The following C9orf78 variants were observed in gnomAD, a reference collection of about 807,000 sequenced individuals.
The protein encoded by C9orf78 is chromosome 9 open reading frame 78.
Under a neutral mutation model 37.4 loss-of-function variants are expected in C9orf78, and 19 were observed. The ratio of observed to expected loss-of-function variants is 0.51; its 90% confidence interval spans 0.35 to 0.74. The LOEUF is 0.74. C9orf78 is among the 30% of genes least tolerant of loss of function. C9orf78 has a pLI of 0.01. For synonymous variants in C9orf78, 130 were observed against 128.0 expected, an observed-to-expected ratio of 1.02 and a Z score of -0.10; for missense variants, 291 against 370.8, an observed-to-expected ratio of 0.78 and a Z score of 1.77.
chr9:129,830,839 C>T, intron 6 of C9orf78, 32 bp downstream of exon 6: 2 of 1,484,842 alleles, frequency 1.3e-6, no homozygotes, highest in Non-Finnish European at 1.9e-6. Context: ...CTGGAAAGCA[C>T]TGTGTCTTCT....
At chr9:129,833,611 T>C in intron 3 of C9orf78, 47 bp downstream of exon 3, 1 of 1,493,846 alleles carries the variant, frequency 6.7e-7, no homozygotes, top group Non-Finnish European at 9.3e-7. Flanking sequence ...TGAAGAGCAC[T>C]GCAGGGAGGG....
intron 4 of C9orf78, among the ~76,000 whole-genome samples, chr9:129,832,228 T>C (rs2031518610): frequency 6.6e-6 from 1 of 152,188 alleles, no homozygotes; most frequent in African/African-American, 2.4e-5. Context: ...GGATTGGTTC[T>C]AGTGTCCCTC....
At position 129,831,017 on chromosome 9, in the gene C9orf78, A is replaced by G. The variant is rs2031481021; in HGVS notation, c.396T>C (p.His132=). 1.2e-6 allele frequency: 2 copies of G among 1,613,624 alleles called. No individual in the cohort carries two copies. The highest frequency in any genetic ancestry group is 4.5e-5 in the East Asian group (2 of 44,892). The part of the protein sequence containing the change: ...ELKKRKGIVE[H]EEQKVKPKNA... ...TCTTTGGCTTAACTTTCTGTTCCTC[A>G]TGTTCCACGATCCCTTTCCTCTTCT... Residue 132 remains histidine (H), a synonymous_variant, in exon 6 of 9, where the codon CAT becomes CAC. Transcript: ENST00000372447.
Position 129,831,988 on chromosome 9 carries a change from C to T in C9orf78, c.267-15G>A, listed in dbSNP as rs192851169. On this transcript the variant is annotated splice_polypyrimidine_tract_variant and intron_variant, in intron 4 of 8. Coordinates refer to ENST00000372447, the MANE Select transcript of C9orf78 (RefSeq NM_016520.3). ...CCTCACTGATCCTGGAGGGAGAGAA[C>T]AATGAGGCAGAGCTTTCAAGTCACA... The T allele has an allele frequency of 2.2e-6, 3 of 1,334,458 alleles. No individual in the cohort carries two copies. Among genetic ancestry groups the T allele is most frequent in the Admixed American group, 1.7e-5 (1 of 59,572 alleles). 82.7% of individuals were successfully genotyped at this position (1,334,458 alleles called of 1,614,324 possible).
At chr9:129,833,315 C>T (rs2031558845) in intron 4 of C9orf78, 132 bp downstream of exon 4, 1 of 656,266 alleles carries the variant, frequency 1.5e-6, no homozygotes, top group African/African-American at 1.8e-5. Context: ...AATAACACAC[C>T]CTTTGCAAAG....
intron 4 of C9orf78, among the ~76,000 whole-genome samples, chr9:129,832,976 TGC>T (rs1205505397): frequency 1.3e-5 from 2 of 149,534 alleles, no homozygotes; most frequent in Non-Finnish European, 3.0e-5. Flanking sequence ...CATATATATA[TGC>T]GTGTGTGTAT....
rs1419523184 is a variant in C9orf78 at position 129,835,224 on chromosome 9, T to G, written c.-3A>C. The G allele has an allele frequency of 6.2e-7, 1 of 1,606,254 alleles. No individual in the cohort carries two copies. The highest frequency in any genetic ancestry group is 2.3e-5 in the East Asian group (1 of 44,364). On this transcript the variant is annotated 5_prime_UTR_variant, in exon 1 of 9. Coordinates refer to ENST00000372447, the MANE Select transcript of C9orf78 (RefSeq NM_016520.3). Reference sequence around the variant, plus strand: ...AAAATCTTCCGGACGACCGGCATGGTGACAACGGCCGAGTTGTACAGCCGC... The same window carrying G: ...AAAATCTTCCGGACGACCGGCATGGGGACAACGGCCGAGTTGTACAGCCGC...
At position 129,833,455 on chromosome 9, in the gene C9orf78, GC is replaced by G; in HGVS notation, c.257del (p.Gly86AlafsTer30). ...GCTTGTCCTGAACTTACTTATCTTT[GC>G]CCCTTTCCTTCAGTTTCTTCATATC... ...MVDMKKLKER[G>X]KDKISEEEDL... On this transcript the variant is annotated frameshift_variant, in exon 4 of 9. Transcript: ENST00000372447. LOFTEE classifies it high-confidence loss of function. The G allele has an allele frequency of 1.9e-6, 3 of 1,587,716 alleles. No individual in the cohort carries two copies. Among genetic ancestry groups the G allele is most frequent in the Non-Finnish European group, 2.6e-6 (3 of 1,156,002 alleles).
chr9:129,834,923 C>T, intron 1 of C9orf78, 157 bp from the exon 2 acceptor site: 1 of 688,704 alleles, frequency 1.5e-6, no homozygotes, highest in Non-Finnish European at 2.5e-6. Flanking sequence ...CTAGACCCAC[C>T]GGGAGTCAGA....
At chr9:129,830,521 TCC>T in intron 6 of C9orf78, 1 of 272,224 alleles carries the variant, frequency 3.7e-6, no homozygotes, top group Non-Finnish European at 7.2e-6. Context: ...AATTTTTTTT[TCC>T]TTTTTTTTTG....
chr9:129,833,569 A>C (rs768233486), intron 3 of C9orf78, 52 bp from the exon 4 acceptor site: 1 of 1,491,332 alleles, frequency 6.7e-7, no homozygotes, highest in Non-Finnish European at 9.4e-7. Flanking sequence ...ATGGTAGTGG[A>C]ATTTTTTTTT....
rs758961185 is a variant in C9orf78 at position 129,828,251 on chromosome 9, C to A, written c.780G>T (p.Arg260=). Residue 260 remains arginine (R), a splice_region_variant and synonymous_variant, in exon 9 of 9, where the codon CGG becomes CGT. Transcript: ENST00000372447. ...VGDTEKPEPE[R]SPPNRKRPAN... The stretch of plus-strand genomic sequence containing the variant: ...CAGGACGCTTGCGGTTAGGAGGGGA[C>A]CCTGAGAAGGAAAAGAACAGGAAAG... 2 of 1,582,694 alleles carry A rather than the reference C, an allele frequency of 1.3e-6. No individual in the cohort carries two copies. Among genetic ancestry groups the A allele is most frequent in the South Asian group, 2.2e-5 (2 of 90,502 alleles).
At position 129,828,021 on chromosome 9, in the gene C9orf78, G is replaced by A. The variant is rs913404436; in HGVS notation, c.*140C>T. ...TTGGTCAGGCTGGTCTCAAACTCCC[G>A]ACCTCAGGTGATCCGCCCACCTCGG... On this transcript the variant is annotated 3_prime_UTR_variant, in exon 9 of 9. Coordinates refer to ENST00000372447, the MANE Select transcript of C9orf78 (RefSeq NM_016520.3). 2.8e-4 allele frequency: 145 copies of A among 518,482 alleles called. No individual in the cohort carries two copies. The highest frequency in any genetic ancestry group is 4.5e-4 in the Non-Finnish European group (119 of 261,554). 32.1% of individuals were successfully genotyped at this position (518,482 alleles called of 1,614,324 possible). A position where few individuals can be genotyped will look rare whatever the true frequency, so the allele number is the denominator to read the frequency against.
chr9:129,831,739 A>G (rs2031502723), intron 5 of C9orf78, 157 bp downstream of exon 5: 1 of 641,478 alleles, frequency 1.6e-6, no homozygotes, highest in African/African-American at 1.8e-5. Flanking sequence ...AGACCTTTTA[A>G]GAGGTTTTCA....
rs17851537 is a variant in C9orf78 at position 129,835,183 on chromosome 9, G to A, written c.39C>T (p.Gly13=). 8,320 of 1,609,954 alleles carry A rather than the reference G, an allele frequency of 5.2e-3. 372 individuals are homozygous for A. The African/African-American group carries it at 0.097, about 19-fold the overall frequency. Residue 13 remains glycine (G), a synonymous_variant, in exon 1 of 9, where the codon GGC becomes GGT. Transcript: ENST00000372447. ...VVRKIFRRRR[G]DSESEEDEQD... is the part of the protein sequence containing the mutation. ...GCTCATCTTCCTCTGACTCCGAGTC[G>A]CCCCGGCGGCGACGGAAAATCTTCC...
rs952460692 is a variant in C9orf78 at position 129,827,961 on chromosome 9, T to G, written c.*200A>C. The G allele has an allele frequency of 2.9e-6, 1 of 341,714 alleles. No homozygotes were observed. The highest frequency in any genetic ancestry group is 2.2e-5 in the African/African-American group (1 of 46,240). 21.2% of individuals were successfully genotyped at this position (341,714 alleles called of 1,614,324 possible). On this transcript the variant is annotated 3_prime_UTR_variant, in exon 9 of 9. Transcript: ENST00000372447. ...ATGTGCCACCACGCCTGGCTAACTT[T>G]TCTGTATTTTCAGTAGAGACTGGGT...
At chr9:129,831,608 G>C (rs1319941945) in intron 5 of C9orf78, 3 of 300,394 alleles carry the variant, frequency 1.0e-5, no homozygotes, top group East Asian at 1.5e-4. Flanking sequence ...ATTTTCAGTA[G>C]GGACGGGGTT....
At chr9:129,828,358 C>G in intron 8 of C9orf78, 106 bp from the exon 9 acceptor site, 2 of 714,314 alleles carry the variant, frequency 2.8e-6, no homozygotes, top group South Asian at 2.8e-5. Flanking sequence ...CCCACAGGAG[C>G]CCCAGCGCCT....
chr9:129,833,481 C>T lies in C9orf78; in HGVS notation c.232G>A (p.Asp78Asn), dbSNP rs760831754. The T allele has an allele frequency of 1.9e-6, 3 of 1,605,798 alleles. No homozygotes were observed. Among genetic ancestry groups the T allele is most frequent in the South Asian group, 2.2e-5 (2 of 90,940 alleles). ...PFQMKTGGMVDMKKLKERGKD... is the reference protein window; with the variant it reads ...PFQMKTGGMVNMKKLKERGKD... ...CCCCTTTCCTTCAGTTTCTTCATAT[C>T]CACCATACCACCTGTCTTCATCTGA... The change falls in exon 4 of 9, where the codon GAT becomes AAT. Residue 78 changes from aspartate (D) to asparagine (N), a missense_variant. Physicochemically the swap from Asp to Asn is conservative, Grantham distance 23. Coordinates refer to ENST00000372447, the MANE Select transcript of C9orf78 (RefSeq NM_016520.3).
Sources: allele counts gnomAD v4.1 joint callset (sites outside exome capture counted in the v4.1 genomes callset), GRCh38; gene constraint gnomAD v4.1.1; transcripts MANE v1.5; gene names NCBI Gene and HGNC (gene_info 2026-07-23, HGNC 2026-07-21).